Variants in HSPA12B observed in about 807,000 individuals in gnomAD.
HSPA12B encodes the protein heat shock protein family A (Hsp70) member 12B.
In HSPA12B, 54 loss-of-function variants were observed where a neutral mutation model predicts 69.3. The ratio of observed to expected loss-of-function variants is 0.78; its 90% CI spans 0.63 to 0.98. The LOEUF (loss-of-function observed/expected upper bound fraction) is 0.98, where lower values mean the gene tolerates loss of function less well. Ranked by LOEUF, HSPA12B falls within the 50% of genes least tolerant of loss-of-function variation. The probability of loss-of-function intolerance (pLI) is 0.00; values close to 1 mark genes in which losing one functional copy is unlikely to be tolerated. For missense variants in HSPA12B, 929 were observed against 999.8 expected (o/e 0.93, Z 0.96); for synonymous variants, 441 against 436.5 (o/e 1.01, Z -0.13).
chr20:3,752,141 C>T lies in HSPA12B; in HGVS notation c.2036C>T (p.Ala679Val). 1 of 1,462,652 alleles carries T rather than the reference C, an allele frequency of 6.8e-7. No homozygotes were observed. The highest frequency in any genetic ancestry group is 9.0e-7 in the Non-Finnish European group (1 of 1,114,624). 90.6% of individuals were successfully genotyped at this position (1,462,652 alleles called of 1,614,324 possible). ...GTCAGCACCAATCGCTCCGTGCGCG[C>T]GTCCATCGACTTTCTTTCCAACTGA... is the stretch of plus-strand genomic sequence containing the variant. ...VDVSTNRSVR[A>V]SIDFLSN is the part of the protein sequence containing the mutation. The change falls in exon 13 of 13, where the codon GCG (alanine) becomes GTG (valine). Residue 679 changes from alanine to valine, a missense_variant. Transcript: ENST00000254963.
In HSPA12B at chr20:3,749,388, G is replaced by GGGACGGAGTGTTATCCTTGGC; in HGVS notation, c.937+70_937+71insGGACGGAGTGTTATCCTTGGC. The GGGACGGAGTGTTATCCTTGGC allele has an allele frequency of 2.9e-6, 4 of 1,376,634 alleles. No individual in the cohort carries two copies. In the Admixed American group the frequency reaches 7.6e-5, roughly 26 times the overall value. 85.3% of individuals were successfully genotyped at this position (1,376,634 alleles called of 1,614,324 possible). ...GCACCATATACTGATGGGGGGAAGG[G>GGGACGGAGTGTTATCCTTGGC]CATGTTTGCAAAGCCCGTCTCTTCC... On this transcript the variant is annotated intron_variant, in intron 9 of 12. Coordinates refer to ENST00000254963, the MANE Select transcript of HSPA12B (RefSeq NM_052970.5). This position sits in a 1 kb window ranked among gnomAD's most constrained non-coding sequence, Gnocchi z 5.5.
At chr20:3,735,686 G>A (rs1301424781) in intron 1 of HSPA12B, among the ~76,000 whole-genome samples, 1 of 152,080 alleles carries the variant, frequency 6.6e-6, no homozygotes, top group Admixed American at 6.5e-5. Context: ...GGCTGGTCTC[G>A]AATTCCTGAC....
At chr20:3,733,067 G>A (rs1029858318) in intron 1 of HSPA12B, among the ~76,000 whole-genome samples, 24 of 152,224 alleles carry the variant, frequency 1.6e-4, no homozygotes, top group Non-Finnish European at 3.4e-4. Flanking sequence ...TGTGTCTTAG[G>A]GGCTGGCAGG....
intron 2 of HSPA12B, among the ~76,000 whole-genome samples, chr20:3,739,937 C>T (rs2088170266): frequency 1.3e-5 from 2 of 152,212 alleles, no homozygotes; most frequent in Non-Finnish European, 2.9e-5. Flanking sequence ...GTACTCCTCA[C>T]ATGCCCCTTA....
rs1245443510 is a variant in HSPA12B, at chr20:3,752,197, G to A, written c.*31G>A. ...CGCCGGCGCGGTGCCAGCGCCGTCT[G>A]CCCGGCCCCGCCCTCTTTCGGTTCA... is the stretch of plus-strand genomic sequence containing the variant. On this transcript the variant is annotated 3_prime_UTR_variant, in exon 13 of 13. Transcript: ENST00000254963. The A allele has an allele frequency of 1.7e-5, 25 of 1,444,442 alleles. No individual in the cohort carries two copies. The highest frequency in any genetic ancestry group is 3.0e-5 in the African/African-American group (2 of 67,196). The allele number at this position is 1,444,442 out of a possible 1,614,324, so 89.5% of individuals were successfully genotyped here. A position where few individuals can be genotyped will look rare whatever the true frequency, so the allele number is the denominator to read the frequency against.
rs192612749 is a variant in HSPA12B at position 3,749,299 on chromosome 20, G to A, written c.918G>A (p.Leu306=). 6.2e-7 allele frequency: 1 copy of A among 1,613,656 alleles called. No individual in the cohort carries two copies. Among genetic ancestry groups the A allele is most frequent in the Admixed American group, 1.7e-5 (1 of 59,906 alleles). The change falls in exon 9 of 13, where the codon CTG becomes CTA. Residue 306 remains leucine, a synonymous_variant. Coordinates refer to ENST00000254963, the MANE Select transcript of HSPA12B (RefSeq NM_052970.5). The surrounding 1 kb of genome is among the most constrained non-coding windows in gnomAD (Gnocchi z 5.5). ...TGGTGGAGTCAGGCGTAGGAGAGCT[G>A]TGGGCAGAGATGCAAGCAGGTAGGG... ...TFLVESGVGE[L]WAEMQAGDRY...
intron 12 of HSPA12B, 133 bp downstream of exon 12, chr20:3,751,040 C>G: frequency 1.1e-6 from 1 of 916,076 alleles, no homozygotes; most frequent in South Asian, 1.5e-5. Flanking sequence ...TCTAGAACAC[C>G]TGCGGGATGA....
intron 1 of HSPA12B, among the ~76,000 whole-genome samples, chr20:3,736,354 C>G (rs559014104): frequency 6.6e-6 from 1 of 152,244 alleles, no homozygotes; most frequent in Non-Finnish European, 1.5e-5. Flanking sequence ...GTACAGAGGA[C>G]AGCAAGAGTG....
chr20:3,751,464 C>G (rs943686366), intron 12 of HSPA12B, 47 bp from the exon 13 acceptor site: 1 of 1,370,440 alleles, frequency 7.3e-7, no homozygotes, highest in East Asian at 2.9e-5. Context: ...TCCCCCGCCC[C>G]TTCTCCTCTG....
At chr20:3,734,737 A>T (rs1342413273) in intron 1 of HSPA12B, among the ~76,000 whole-genome samples, 11 of 120,306 alleles carry the variant, frequency 9.1e-5, no homozygotes, top group African/African-American at 9.7e-5. Context: ...CTTTAACACA[A>T]TTTTTTTTTT....
chr20:3,742,755 A>ACGATCTTAGCTCATTGCAAC (rs1568474152), intron 4 of HSPA12B, among the ~76,000 whole-genome samples: 1 of 151,104 alleles, frequency 6.6e-6, no homozygotes, highest in Non-Finnish European at 1.5e-5. Flanking sequence ...TGGAGTGCAA[A>ACGATCTTAGCTCATTGCAAC]GGCACGATCT....
At position 3,745,195 on chromosome 20, in the gene HSPA12B, A is replaced by C. The variant is rs1223291437; in HGVS notation, c.453+107A>C. The C allele has an allele frequency of 9.5e-7, 1 of 1,050,716 alleles. No homozygotes were observed. Among genetic ancestry groups the C allele is most frequent in the Non-Finnish European group, 1.4e-6 (1 of 717,264 alleles). 65.1% of individuals were successfully genotyped at this position (1,050,716 alleles called of 1,614,324 possible). A position where few individuals can be genotyped will look rare whatever the true frequency, so the allele number is the denominator to read the frequency against. ...AAACGTGTGAGGACCGGCCCGATGG[A>C]GTCGTGGCTGAGAGGGGGCGGGGCT... is the stretch of plus-strand genomic sequence containing the variant. On this transcript the variant is annotated intron_variant, in intron 5 of 12. Coordinates refer to ENST00000254963, the MANE Select transcript of HSPA12B (RefSeq NM_052970.5). This position sits in a 1 kb window ranked among gnomAD's most constrained non-coding sequence, Gnocchi z 5.6.
At chr20:3,742,238 G>T in intron 3 of HSPA12B, 46 bp from the exon 4 acceptor site, 3 of 1,603,584 alleles carry the variant, frequency 1.9e-6, no homozygotes, top group Non-Finnish European at 2.6e-6. Context: ...GGGGGATGGG[G>T]GTGTCCCTGC....
At chr20:3,741,975 TG>T (rs1187959536) in intron 3 of HSPA12B, among the ~76,000 whole-genome samples, 1 of 120,234 alleles carries the variant, frequency 8.3e-6, no homozygotes, top group Non-Finnish European at 1.7e-5. Context: ...CCTATGAAGA[TG>T]GTGTGAGGTG....
At chr20:3,743,930 GA>G (rs1407230469) in intron 4 of HSPA12B, among the ~76,000 whole-genome samples, 1 of 152,102 alleles carries the variant, frequency 6.6e-6, no homozygotes, top group Non-Finnish European at 1.5e-5. Flanking sequence ...ACAAGAAAAT[GA>G]AGGTTCTAAG....
chr20:3,745,391 G>A lies in HSPA12B; in HGVS notation c.454-102G>A. On this transcript the variant is annotated intron_variant, in intron 5 of 12. Transcript: ENST00000254963. This position sits in a 1 kb window ranked among gnomAD's most constrained non-coding sequence, Gnocchi z 5.6. ...GGCAAGAGTGGGACGGTGGTAAAGA[G>A]GAGGGGAAGCTCCAGGAAACGGGGT... 1.2e-6 allele frequency: 1 copy of A among 855,290 alleles called. No individual in the cohort carries two copies. Among genetic ancestry groups the A allele is most frequent in the Non-Finnish European group, 2.0e-6 (1 of 507,756 alleles). 53.0% of individuals were successfully genotyped at this position (855,290 alleles called of 1,614,324 possible).
At chr20:3,736,909 T>C (rs1244187592) in intron 1 of HSPA12B, among the ~76,000 whole-genome samples, 3 of 151,960 alleles carry the variant, frequency 2.0e-5, no homozygotes, top group African/African-American at 4.8e-5. Context: ...TTTAGGCAAA[T>C]TAGGTGGCGC....
chr20:3,750,131 G>T lies in HSPA12B; in HGVS notation c.1205G>T (p.Arg402Leu). 2 of 1,611,928 alleles carry T rather than the reference G, an allele frequency of 1.2e-6. No individual in the cohort carries two copies. Among genetic ancestry groups the T allele is most frequent in the Non-Finnish European group, 1.7e-6 (2 of 1,179,498 alleles). Residue 402 changes from arginine to leucine, a missense_variant, in exon 11 of 13, where the codon CGT (arginine) becomes CTT (leucine). Physicochemically the swap from Arg to Leu is moderately radical, Grantham distance 102. Coordinates refer to ENST00000254963, the MANE Select transcript of HSPA12B (RefSeq NM_052970.5). ...EARKRTAGPHRAGALNISLPF... is the reference protein window; with the variant it reads ...EARKRTAGPHLAGALNISLPF... ...CGCAAGCGCACTGCTGGCCCACACC[G>T]TGCAGGGGCGCTCAACATCTCGCTG...
rs2088444228 is a variant in HSPA12B at position 3,752,353 on chromosome 20, G to A, written c.*187G>A. 2 of 551,654 alleles carry A rather than the reference G, an allele frequency of 3.6e-6. No individual in the cohort carries two copies. The highest frequency in any genetic ancestry group is 5.9e-6 in the Non-Finnish European group (2 of 338,572). 34.2% of individuals were successfully genotyped at this position (551,654 alleles called of 1,614,324 possible). The stretch of plus-strand genomic sequence containing the variant: ...GGACACACCCAGAGACTGGCTTTGG[G>A]ATTGGGCACTGGTCCGCTGACTGCC... On this transcript the variant is annotated 3_prime_UTR_variant, in exon 13 of 13. Coordinates refer to ENST00000254963, the MANE Select transcript of HSPA12B (RefSeq NM_052970.5).
Sources: gnomAD v4.1 joint callset for allele counts (sites outside exome capture counted in the v4.1 genomes callset) on GRCh38, gnomAD v4.1.1 for gene constraint, Gnocchi (gnomAD v3.1) non-coding constraint, MANE v1.5 for transcripts, NCBI Gene and HGNC (gene_info 2026-07-23, HGNC 2026-07-21) for gene names.